Variants in ENAH observed in about 807,000 individuals in gnomAD.
ENAH encodes the protein ENAH actin regulator, also known as protein enabled homolog.
A neutral mutation model predicts 78.7 loss-of-function variants in ENAH; 23 were observed. That is an observed-to-expected ratio of 0.29 (90% confidence interval 0.21 to 0.41). The LOEUF (loss-of-function observed/expected upper bound fraction) is 0.41. ENAH is among the 10% of genes least tolerant of loss of function. ENAH has a pLI of 1.00. For missense variants in ENAH, 544 were observed against 691.0 expected, an observed-to-expected ratio of 0.79 and a Z score of 2.39; for synonymous variants, 226 against 241.0, an observed-to-expected ratio of 0.94 and a Z score of 0.58.
intron 1 of ENAH, among the ~76,000 whole-genome samples, chr1:225,615,564 C>T (rs993417756): frequency 7.9e-5 from 12 of 151,838 alleles, no homozygotes; most frequent in African/African-American, 2.7e-4. Flanking sequence ...TGAGGAGCGC[C>T]TCTTCCCGGC....
Position 225,497,701 on chromosome 1 carries a change from C to T in ENAH, c.*74G>A. The T allele has an allele frequency of 4.1e-6, 6 of 1,456,970 alleles. No homozygotes were observed. Among genetic ancestry groups the T allele is most frequent in the East Asian group, 2.3e-5 (1 of 43,762 alleles). The allele number at this position is 1,456,970 out of a possible 1,614,324, so 90.3% of individuals were successfully genotyped here. A position where few individuals can be genotyped will look rare whatever the true frequency, so the allele number is the denominator to read the frequency against. ...TACAGCTCATAAATGTAGGGGTTTG[C>T]TGTTGTGAACAGTTGTTGTTTGTAG... is the stretch of plus-strand genomic sequence containing the variant. On this transcript the variant is annotated 3_prime_UTR_variant, in exon 14 of 14. Coordinates refer to ENST00000366843, the MANE Select transcript of ENAH (RefSeq NM_018212.6).
chr1:225,549,040 A>G (rs143912329), intron 3 of ENAH, among the ~76,000 whole-genome samples: 6,535 of 151,892 alleles, frequency 0.043, 228 homozygotes, highest in South Asian at 0.11. Flanking sequence ...AGTAGAGATG[A>G]GGTTTCACCA....
intron 1 of ENAH, among the ~76,000 whole-genome samples, chr1:225,623,458 A>C (rs1035216537): frequency 6.6e-6 from 1 of 151,968 alleles, no homozygotes; most frequent in African/African-American, 2.4e-5. Flanking sequence ...CCATTAACAA[A>C]TTTTTCTTTT....
At chr1:225,506,397 A>G (rs907452496) in intron 11 of ENAH, among the ~76,000 whole-genome samples, 2 of 152,186 alleles carry the variant, frequency 1.3e-5, no homozygotes, top group Admixed American at 6.5e-5. Context: ...CATGTTAGCC[A>G]AGCTGGTCTC....
intron 1 of ENAH, among the ~76,000 whole-genome samples, chr1:225,587,275 G>C (rs1481606233): frequency 6.6e-6 from 1 of 152,104 alleles, no homozygotes; most frequent in Non-Finnish European, 1.5e-5. Flanking sequence ...TGCTGCTTAT[G>C]GAAAATCCTA....
chr1:225,549,139 C>T (rs1342237294), intron 3 of ENAH, among the ~76,000 whole-genome samples: 1 of 152,044 alleles, frequency 6.6e-6, no homozygotes, highest in East Asian at 1.9e-4. Context: ...TGTATGCCAC[C>T]GCACCTGGCC....
chr1:225,541,231 A>C (rs1003287887), intron 3 of ENAH, among the ~76,000 whole-genome samples: 4 of 152,160 alleles, frequency 2.6e-5, no homozygotes, highest in Non-Finnish European at 5.9e-5. Flanking sequence ...TCAGGAGATC[A>C]AGACCATCCT....
intron 1 of ENAH, among the ~76,000 whole-genome samples, chr1:225,597,780 G>A (rs1011719666): frequency 2.0e-5 from 3 of 151,826 alleles, no homozygotes; most frequent in Non-Finnish European, 2.9e-5. Context: ...ACACTGAAAC[G>A]GAACAAAATA....
At chr1:225,535,660 G>T in intron 3 of ENAH, 1 of 549,808 alleles carries the variant, frequency 1.8e-6, no homozygotes. Flanking sequence ...TGTTCAAAAT[G>T]TATTTATACA....
intron 12 of ENAH, among the ~76,000 whole-genome samples, chr1:225,499,334 A>G (rs1276183437): frequency 6.6e-6 from 1 of 152,022 alleles, no homozygotes; most frequent in Non-Finnish European, 1.5e-5. Flanking sequence ...CGTAGCCCAC[A>G]TTATACTTCT....
chr1:225,497,787 T>C lies in ENAH; in HGVS notation c.1701A>G (p.Ser567=). 1 of 1,612,670 alleles carries C rather than the reference T, an allele frequency of 6.2e-7. No individual in the cohort carries two copies. The highest frequency in any genetic ancestry group is 8.5e-7 in the Non-Finnish European group (1 of 1,179,308). Residue 567 remains serine, a synonymous_variant, in exon 14 of 14, where the codon TCA becomes TCG. Coordinates refer to ENST00000366843, the MANE Select transcript of ENAH (RefSeq NM_018212.6). ...TTAGTCTGTTCCTCTATGCAGTATT[T>C]GACTTGCTCAGTTCCTGCCTGATTG... is the stretch of plus-strand genomic sequence containing the variant. The part of the protein sequence containing the change: ...IDAIRQELSK[S]NTA
chr1:225,642,521 C>G (rs969242968), intron 1 of ENAH, among the ~76,000 whole-genome samples: 2 of 152,046 alleles, frequency 1.3e-5, no homozygotes, highest in African/African-American at 2.4e-5. Context: ...GTAAGAAGAG[C>G]TGCCCAGCCA....
intron 1 of ENAH, among the ~76,000 whole-genome samples, chr1:225,582,284 T>G (rs953659148): frequency 1.3e-5 from 2 of 152,174 alleles, no homozygotes; most frequent in African/African-American, 4.8e-5. Context: ...TTGTAAAGCC[T>G]ATGGAACCGT....
At chr1:225,543,308 C>T (rs1239086941) in intron 3 of ENAH, among the ~76,000 whole-genome samples, 1 of 152,142 alleles carries the variant, frequency 6.6e-6, no homozygotes, top group African/African-American at 2.4e-5. Flanking sequence ...CTCTTTGTTA[C>T]AATATTACCA....
At chr1:225,610,763 G>C (rs890193362) in intron 1 of ENAH, among the ~76,000 whole-genome samples, 1 of 152,100 alleles carries the variant, frequency 6.6e-6, no homozygotes, top group Non-Finnish European at 1.5e-5. Context: ...ACATTTTAAC[G>C]CTAGTACGAT....
At chr1:225,570,116 G>T (rs1187660873) in intron 1 of ENAH, among the ~76,000 whole-genome samples, 1 of 144,256 alleles carries the variant, frequency 6.9e-6, no homozygotes, top group South Asian at 2.2e-4. Context: ...TGAAGCAGGA[G>T]AATCATACTC....
chr1:225,512,205 C>G (rs2096382498), intron 9 of ENAH, among the ~76,000 whole-genome samples: 2 of 152,164 alleles, frequency 1.3e-5, no homozygotes, highest in South Asian at 4.1e-4. Context: ...ACAGCACAGA[C>G]AAAGCAGAGT....
intron 1 of ENAH, among the ~76,000 whole-genome samples, chr1:225,585,697 G>C (rs1165304280): frequency 6.6e-6 from 1 of 152,162 alleles, no homozygotes; most frequent in African/African-American, 2.4e-5. Context: ...GCTGAGGTGG[G>C]AGAATTGCTT....
intron 1 of ENAH, among the ~76,000 whole-genome samples, chr1:225,627,407 G>T (rs1282913489): frequency 6.6e-6 from 1 of 152,104 alleles, no homozygotes; most frequent in Non-Finnish European, 1.5e-5. Flanking sequence ...GTGGAGGAGG[G>T]GAAGACTGAT....
Sources: allele counts gnomAD v4.1 joint callset (sites outside exome capture counted in the v4.1 genomes callset), GRCh38; gene constraint gnomAD v4.1.1; transcripts MANE v1.5; gene names NCBI Gene and HGNC (gene_info 2026-07-23, HGNC 2026-07-21).